The following BTRC variants were observed in gnomAD, a reference collection of about 807,000 sequenced individuals.
BTRC encodes F-box/WD repeat-containing protein 1A.
In BTRC, 42 loss-of-function variants were observed where a neutral mutation model predicts 85.5. The ratio of observed to expected loss-of-function variants is 0.49; its 90% confidence interval spans 0.38 to 0.64. BTRC has a LOEUF of 0.64. Ranked by LOEUF, BTRC falls within the 30% of genes least tolerant of loss-of-function variation. The probability of loss-of-function intolerance (pLI) is 0.00; values close to 1 mark genes in which losing one functional copy is unlikely to be tolerated. For synonymous variants in BTRC, 255 were observed against 263.3 expected, an observed-to-expected ratio of 0.97 and a Z score of 0.30; for missense variants, 594 against 743.5, an observed-to-expected ratio of 0.80 and a Z score of 2.34.
At chr10:101,432,737 T>C (rs1174659500) in intron 2 of BTRC, among the ~76,000 whole-genome samples, 1 of 152,158 alleles carries the variant, frequency 6.6e-6, no homozygotes, top group Non-Finnish European at 1.5e-5. Flanking sequence ...AGGTTAAAAT[T>C]AGCCAAAAGA....
At chr10:101,428,169 T>C (rs995131179) in intron 1 of BTRC, among the ~76,000 whole-genome samples, 59 of 152,104 alleles carry the variant, frequency 3.9e-4, no homozygotes, top group Non-Finnish European at 1.5e-4. Flanking sequence ...GAGAAGGAAA[T>C]TATAAGTTTA....
intron 4 of BTRC, among the ~76,000 whole-genome samples, chr10:101,498,774 G>A (rs886632658): frequency 6.6e-6 from 1 of 151,998 alleles, no homozygotes; most frequent in Non-Finnish European, 1.5e-5. Context: ...GCAGATGACC[G>A]AAGGTCAGGA....
intron 1 of BTRC, among the ~76,000 whole-genome samples, chr10:101,422,299 C>G (rs1426632544): frequency 3.9e-5 from 6 of 152,150 alleles, no homozygotes; most frequent in Non-Finnish European, 8.8e-5. Flanking sequence ...ATATCCTTCA[C>G]CCACTTGTTG....
intron 5 of BTRC, 90 bp from the exon 6 acceptor site, chr10:101,525,923 C>G: frequency 3.9e-6 from 5 of 1,295,438 alleles, no homozygotes; most frequent in Non-Finnish European, 5.4e-6. Context: ...CATAGCAGAA[C>G]AAATGCTGTT....
intron 1 of BTRC, among the ~76,000 whole-genome samples, chr10:101,374,683 G>A (rs1475085388): frequency 6.7e-6 from 1 of 149,148 alleles, no homozygotes; most frequent in Non-Finnish European, 1.5e-5. Flanking sequence ...CCTAATGCTA[G>A]ATGACGAGTT....
At chr10:101,360,493 C>G (rs1414382492) in intron 1 of BTRC, among the ~76,000 whole-genome samples, 1 of 151,776 alleles carries the variant, frequency 6.6e-6, no homozygotes, top group Non-Finnish European at 1.5e-5. Flanking sequence ...CCTGTCTCAG[C>G]CTCCTAAGTA....
intron 5 of BTRC, among the ~76,000 whole-genome samples, chr10:101,525,131 G>GT (rs2062171292): frequency 6.6e-6 from 1 of 152,100 alleles, no homozygotes; most frequent in Admixed American, 6.5e-5. Flanking sequence ...GGCAAAAGAA[G>GT]TTTTTTTAGT....
intron 1 of BTRC, among the ~76,000 whole-genome samples, chr10:101,373,640 G>A (rs560493719): frequency 6.6e-6 from 1 of 152,226 alleles, no homozygotes; most frequent in African/African-American, 2.4e-5. Context: ...GGGCAGGGCC[G>A]GGCGCGGTGG....
intron 1 of BTRC, among the ~76,000 whole-genome samples, chr10:101,383,601 G>GA (rs1273008102): frequency 6.6e-6 from 1 of 152,092 alleles, no homozygotes; most frequent in African/African-American, 2.4e-5. Flanking sequence ...CTAGGCCTAG[G>GA]GAACCCTCTC....
intron 3 of BTRC, among the ~76,000 whole-genome samples, chr10:101,473,027 A>G (rs1467530969): frequency 6.6e-6 from 1 of 151,986 alleles, no homozygotes; most frequent in African/African-American, 2.4e-5. Flanking sequence ...TTTGATCACT[A>G]TTTTTATAAC....
intron 1 of BTRC, among the ~76,000 whole-genome samples, chr10:101,406,673 A>G (rs1943634040): frequency 1.3e-5 from 2 of 151,512 alleles, no homozygotes. Flanking sequence ...AGCTGGAGTT[A>G]CAGGCACGTG....
chr10:101,533,157 C>A, intron 9 of BTRC, 87 bp downstream of exon 9: 2 of 927,192 alleles, frequency 2.2e-6, no homozygotes, highest in Non-Finnish European at 1.7e-6. Flanking sequence ...TATATATCGG[C>A]ACAGTTCTGA....
At chr10:101,393,673 TCTGTGTTGA>T (rs999243538) in intron 1 of BTRC, among the ~76,000 whole-genome samples, 1 of 152,122 alleles carries the variant, frequency 6.6e-6, no homozygotes, top group African/African-American at 2.4e-5. Flanking sequence ...AGAGAAGTCT[TCTGTGTTGA>T]TGATTATTGT....
chr10:101,512,161 T>G (rs1313784544), intron 4 of BTRC, among the ~76,000 whole-genome samples: 1 of 152,204 alleles, frequency 6.6e-6, no homozygotes, highest in Admixed American at 6.5e-5. Context: ...TTGATACCAC[T>G]AAAGTTCCAG....
intron 4 of BTRC, among the ~76,000 whole-genome samples, chr10:101,482,578 G>A (rs1317715941): frequency 6.6e-6 from 1 of 151,624 alleles, no homozygotes; most frequent in African/African-American, 2.4e-5. Context: ...TGTATTTTTA[G>A]TAGAGACGGG....
rs116572772 is a variant in BTRC, at chr10:101,475,214, A to G, written c.235-4154A>G. On this transcript the variant is annotated intron_variant, in intron 3 of 14. Coordinates refer to ENST00000370187, the MANE Select transcript of BTRC (RefSeq NM_033637.4). ...TTTACTTAAATTATAAGAATAAAAC[A>G]AGTTGGTAAATTTTTTAAGGTTTAG... Among the ~76,000 whole-genome samples, 460 of 152,302 alleles carry G rather than the reference A, an allele frequency of 3.0e-3. 2 individuals carry two copies. The highest frequency in any genetic ancestry group is 0.011 in the African/African-American group (446 of 41,568).
rs7088165 is a variant in BTRC at position 101,534,782 on chromosome 10, G to A, written c.1219G>A (p.Val407Ile). Residue 407 changes from valine to isoleucine, a missense_variant, in exon 10 of 15, where the codon GTA becomes ATA. Transcript: ENST00000370187. ...VTCSKDRSIAVWDMASPTDIT... is the reference protein window; with the variant it reads ...VTCSKDRSIAIWDMASPTDIT... The stretch of plus-strand genomic sequence containing the variant: ...CTGCTCCAAAGATCGTTCCATTGCT[G>A]TATGGGATATGGCCTCCCCAACTGA... 1.2e-6 allele frequency: 2 copies of A among 1,614,178 alleles called. No individual in the cohort carries two copies. Among genetic ancestry groups the A allele is most frequent in the South Asian group, 1.1e-5 (1 of 91,086 alleles).
At chr10:101,431,384 C>A (rs1322811700) in intron 2 of BTRC, among the ~76,000 whole-genome samples, 5 of 151,990 alleles carry the variant, frequency 3.3e-5, no homozygotes, top group Admixed American at 1.3e-4. Flanking sequence ...GACCCCTCAG[C>A]CTTTCTTAGA....
chr10:101,461,990 G>A lies in BTRC; in HGVS notation c.166G>A (p.Glu56Lys), dbSNP rs1341376125. 6.2e-7 allele frequency: 1 copy of A among 1,609,688 alleles called. No homozygotes were observed. The highest frequency in any genetic ancestry group is 1.1e-5 in the South Asian group (1 of 90,804). The change falls in exon 3 of 15, where the codon GAG becomes AAG. Residue 56 changes from glutamate (E) to lysine (K), a missense_variant. Glu to Lys is a moderately conservative substitution (Grantham distance 56). Coordinates refer to ENST00000370187, the MANE Select transcript of BTRC (RefSeq NM_033637.4). Reference protein sequence around the residue: ...GALTAFQNSSEREDCNNGEPP... With the variant: ...GALTAFQNSSKREDCNNGEPP... ...TTACTTTCTTTCACAGAATTCCTCA[G>A]AGAGAGAAGACTGTAATAATGGCGA...
Sources: gnomAD v4.1 joint callset for allele counts (sites outside exome capture counted in the v4.1 genomes callset) on GRCh38, gnomAD v4.1.1 for gene constraint, MANE v1.5 for transcripts, NCBI Gene and HGNC (gene_info 2026-07-23, HGNC 2026-07-21) for gene names.